The following ASB9 variants were observed in gnomAD, a reference collection of about 807,000 sequenced individuals.
ASB9 encodes ankyrin repeat and SOCS box containing 9.
A neutral mutation model predicts 16.6 loss-of-function variants in ASB9; 5 were observed. The observed-to-expected ratio is 0.30, with a 90% CI of 0.16 to 0.63. ASB9 has a LOEUF of 0.63. ASB9 is among the 30% of genes least tolerant of loss of function. The pLI is 0.82. For missense variants in ASB9, 216 were observed against 229.4 expected, an observed-to-expected ratio of 0.94 and a Z score of 0.38; for synonymous variants, 100 against 86.4, an observed-to-expected ratio of 1.16 and a Z score of -0.87.
chrX:15,253,002 G>A (rs1287297728), intron 3 of ASB9, among the ~76,000 whole-genome samples: 2 of 111,823 alleles, frequency 1.8e-5, no homozygotes, highest in African/African-American at 3.2e-5. Flanking sequence ...GGGAGGCCGA[G>A]GCAGGCGGAT....
intron 1 of ASB9, 144 bp from the exon 2 acceptor site, chrX:15,259,089 A>G: frequency 2.5e-6 from 1 of 398,120 alleles, no homozygotes; most frequent in Non-Finnish European, 4.5e-6. Context: ...TCAGGAATTC[A>G]GCATTTCTCT....
intron 3 of ASB9, among the ~76,000 whole-genome samples, chrX:15,252,742 C>T (rs1038917701): frequency 4.5e-5 from 5 of 112,152 alleles, no homozygotes; most frequent in Admixed American, 9.4e-5. Flanking sequence ...AATTTCTTAA[C>T]GGGTGCAAGA....
At chrX:15,266,587 C>T (rs12557432) in intron 1 of ASB9, among the ~76,000 whole-genome samples, 2 of 111,763 alleles carry the variant, frequency 1.8e-5, no homozygotes, top group Non-Finnish European at 3.8e-5. Context: ...CATGCCTTTG[C>T]GTATAACACC....
Position 15,244,156 on chromosome X carries a change from T to C in ASB9, c.*350A>G. The C allele has an allele frequency of 5.9e-6, 1 of 168,080 alleles. No individual in the cohort carries two copies. Among genetic ancestry groups the C allele is most frequent in the East Asian group, 2.0e-4 (1 of 5,079 alleles). 13.9% of individuals were successfully genotyped at this position (168,080 alleles called of 1,213,427 possible). A position where few individuals can be genotyped will look rare whatever the true frequency, so the allele number is the denominator to read the frequency against. On this transcript the variant is annotated 3_prime_UTR_variant, in exon 7 of 7. Transcript: ENST00000380488. ...TATCCTTACTCTGGAAAATTGGACA[T>C]CTTGACCCAGTGGCTGTGAGGGCTA... is the stretch of plus-strand genomic sequence containing the variant.
chrX:15,250,054 C>A (rs762865696), intron 5 of ASB9, among the ~76,000 whole-genome samples: 2 of 111,654 alleles, frequency 1.8e-5, no homozygotes, highest in South Asian at 7.5e-4. Context: ...TGGTTAAGGT[C>A]CCAAATAGGA....
At chrX:15,267,343 C>G (rs79088179) in intron 1 of ASB9, among the ~76,000 whole-genome samples, 10,880 of 98,143 alleles carry the variant, frequency 0.11, no homozygotes, top group African/African-American at 0.15. Flanking sequence ...CCCAGGAGGC[C>G]GAGGTTGCAG....
At chrX:15,257,606 C>T (rs1181869416) in intron 2 of ASB9, among the ~76,000 whole-genome samples, 2 of 111,322 alleles carry the variant, frequency 1.8e-5, no homozygotes, top group African/African-American at 3.3e-5. Context: ...ACAGTTCTAC[C>T]TTAAATTAAC....
intron 6 of ASB9, among the ~76,000 whole-genome samples, chrX:15,248,501 A>G (rs1455298229): frequency 8.9e-6 from 1 of 112,029 alleles, no homozygotes; most frequent in Non-Finnish European, 1.9e-5. Flanking sequence ...CTACCCCATA[A>G]TGAATATTAG....
At chrX:15,269,127 T>C (rs1926786884) in intron 1 of ASB9, among the ~76,000 whole-genome samples, 1 of 111,808 alleles carries the variant, frequency 8.9e-6, no homozygotes, top group South Asian at 3.7e-4. Flanking sequence ...AGTTAACCAG[T>C]ATATTACTAA....
At chrX:15,255,302 T>C (rs923306397) in intron 2 of ASB9, among the ~76,000 whole-genome samples, 1 of 111,534 alleles carries the variant, frequency 9.0e-6, no homozygotes, top group African/African-American at 3.3e-5. Context: ...CTTGCAAAAA[T>C]AATGTTGAGC....
At chrX:15,268,294 T>C (rs1602169995) in intron 1 of ASB9, among the ~76,000 whole-genome samples, 1 of 101,955 alleles carries the variant, frequency 9.8e-6, no homozygotes. Context: ...ATCTCGCCAT[T>C]GCACTCCAGC....
Position 15,269,838 on chromosome X carries a change from G to C in ASB9, c.37C>G (p.Pro13Ala). 1.7e-6 allele frequency: 2 copies of C among 1,207,348 alleles called. No homozygotes were observed. The highest frequency in any genetic ancestry group is 6.0e-5 in the East Asian group (2 of 33,432). ...GKQGGMDGSK[P>A]AGPRDFPGIR... Reference sequence around the variant, plus strand: ...CCAGGAAAGTCCCTTGGCCCCGCGGGCTTGCTCCCATCCATGCCCCCTTGT... The same window carrying C: ...CCAGGAAAGTCCCTTGGCCCCGCGGCCTTGCTCCCATCCATGCCCCCTTGT... Residue 13 changes from proline (P) to alanine (A), a missense_variant, in exon 1 of 7, where the codon CCC becomes GCC. Physicochemically the swap from Pro to Ala is conservative, Grantham distance 27. Coordinates refer to ENST00000380488, the MANE Select transcript of ASB9 (RefSeq NM_001031739.3).
At chrX:15,244,702 A>AC in intron 6 of ASB9, 72 bp from the exon 7 acceptor site, 2 of 1,025,190 alleles carry the variant, frequency 2.0e-6, no homozygotes, top group Non-Finnish European at 2.6e-6. Flanking sequence ...TAAAAAAAAA[A>AC]AGCATCCAAG....
intron 3 of ASB9, among the ~76,000 whole-genome samples, chrX:15,253,434 T>C (rs2147638301): frequency 9.2e-6 from 1 of 108,722 alleles, no homozygotes; most frequent in East Asian, 2.9e-4. Flanking sequence ...ACCCCATCTC[T>C]ACTAAAAATA....
At chrX:15,263,883 C>T (rs112419618) in intron 1 of ASB9, among the ~76,000 whole-genome samples, 5,994 of 111,647 alleles carry the variant, frequency 0.054, 405 homozygotes, top group African/African-American at 0.18. Flanking sequence ...TAGACACTAA[C>T]ACTGGGAACA....
At chrX:15,266,989 CCT>C (rs1298311558) in intron 1 of ASB9, among the ~76,000 whole-genome samples, 4 of 113,069 alleles carry the variant, frequency 3.5e-5, no homozygotes, top group African/African-American at 1.3e-4. Flanking sequence ...GTGGCTGGTG[CCT>C]CTCTCCCATG....
chrX:15,269,818 A>G lies in ASB9; in HGVS notation c.57T>C (p.Phe19=), dbSNP rs774753531. The change falls in exon 1 of 7, where the codon TTT becomes TTC. Residue 19 remains phenylalanine (F), a synonymous_variant. Transcript: ENST00000380488. ...DGSKPAGPRD[F]PGIRLLSNPL... is the part of the protein sequence containing the mutation. ...GGTTTGAAAGAAGCCTGATGCCAGGAAAGTCCCTTGGCCCCGCGGGCTTGC... is the reference window on the plus strand; with the variant it reads ...GGTTTGAAAGAAGCCTGATGCCAGGGAAGTCCCTTGGCCCCGCGGGCTTGC... 2.4e-5 allele frequency: 29 copies of G among 1,206,495 alleles called. No individual in the cohort carries two copies. The highest frequency in any genetic ancestry group is 3.1e-5 in the Non-Finnish European group (28 of 893,705).
At chrX:15,270,297 G>A (rs899647), upstream of ASB9, 1,973 of 116,274 alleles carry the variant, frequency 0.017, 24 homozygotes, top group Admixed American at 0.038. Flanking sequence ...GGGGGTGAAG[G>A]AAACAGCTCA....
intron 5 of ASB9, among the ~76,000 whole-genome samples, chrX:15,249,556 G>C (rs1223450677): frequency 8.9e-6 from 1 of 112,640 alleles, no homozygotes; most frequent in East Asian, 2.8e-4. Flanking sequence ...CCCCAGCCCA[G>C]AGCCTAGCTT....
Sources: gnomAD v4.1 joint callset for allele counts (sites outside exome capture counted in the v4.1 genomes callset) on GRCh38, gnomAD v4.1.1 for gene constraint, MANE v1.5 for transcripts, NCBI Gene and HGNC (gene_info 2026-07-23, HGNC 2026-07-21) for gene names.